The following TNIK variants were observed in gnomAD, a reference collection of about 807,000 sequenced individuals.
TNIK encodes the protein TRAF2 and NCK-interacting protein kinase.
A neutral mutation model predicts 191.3 loss-of-function variants in TNIK; 49 were observed. That is an observed-to-expected ratio of 0.26 (90% CI 0.20 to 0.32). The LOEUF (loss-of-function observed/expected upper bound fraction) is 0.32, where lower values mean the gene tolerates loss of function less well. Ranked by LOEUF, TNIK falls within the 10% of genes least tolerant of loss-of-function variation. The pLI is 1.00. For synonymous variants in TNIK, 594 were observed against 600.9 expected (o/e 0.99, Z 0.17); for missense variants, 1,155 against 1,702.3 (o/e 0.68, Z 5.66).
intron 18 of TNIK, among the ~76,000 whole-genome samples, chr3:171,121,325 C>T (rs769169525): frequency 6.6e-6 from 1 of 152,136 alleles, no homozygotes; most frequent in Non-Finnish European, 1.5e-5. Flanking sequence ...CAGTAATGGC[C>T]CCTGGCAAAT....
chr3:171,163,900 A>T lies in TNIK; in HGVS notation c.950-2564T>A, dbSNP rs185638930. The stretch of plus-strand genomic sequence containing the variant: ...GTTAGGGAAAAAATATCAGGTTGAA[A>T]AAAATCACAAATAATGCAAAATAGA... On this transcript the variant is annotated intron_variant, in intron 10 of 32. Transcript: ENST00000436636. 2.4e-3 allele frequency among the ~76,000 whole-genome samples: 359 copies of T among 152,378 alleles called. 2 individuals are homozygous for T. Among genetic ancestry groups the T allele is most frequent in the Middle Eastern group, 0.01 (3 of 294 alleles).
intron 1 of TNIK, among the ~76,000 whole-genome samples, chr3:171,402,270 T>C (rs939798275): frequency 5.9e-5 from 9 of 152,272 alleles, no homozygotes; most frequent in Admixed American, 3.9e-4. Flanking sequence ...ATTCCATTAC[T>C]GCTGCCTCCA....
At chr3:171,126,258 A>C in intron 16 of TNIK, 107 bp from the exon 17 acceptor site, 2 of 1,365,000 alleles carry the variant, frequency 1.5e-6, no homozygotes, top group Non-Finnish European at 9.5e-7. Flanking sequence ...GGGCACAAAA[A>C]TTGGACTATA....
In TNIK at chr3:171,161,723, C is replaced by G. The variant is rs1039976273; in HGVS notation, c.950-387G>C. On this transcript the variant is annotated intron_variant, in intron 10 of 32. Transcript: ENST00000436636. ...CACAAGGTCAGGAGATCGAGACCAT[C>G]CTGGCTAACATGGCAAAACCCCGTC... Among the ~76,000 whole-genome samples, 11 of 151,528 alleles carry G rather than the reference C, an allele frequency of 7.3e-5. No homozygotes were observed. In the Middle Eastern group the frequency reaches 0.01, roughly 142 times the overall value.
intron 2 of TNIK, among the ~76,000 whole-genome samples, chr3:171,365,666 G>A (rs1313445178): frequency 6.6e-6 from 1 of 152,156 alleles, no homozygotes; most frequent in Non-Finnish European, 1.5e-5. Flanking sequence ...ATGACTGGAG[G>A]TCATGAAGGA....
chr3:171,209,267 A>G (rs932215754), intron 4 of TNIK, among the ~76,000 whole-genome samples: 8 of 152,108 alleles, frequency 5.3e-5, no homozygotes, highest in East Asian at 1.9e-4. Context: ...GGCTTTTAAT[A>G]CAACTTTACT....
chr3:171,418,770 A>G (rs143065531), intron 1 of TNIK, among the ~76,000 whole-genome samples: 144 of 152,324 alleles, frequency 9.5e-4, no homozygotes, highest in African/African-American at 3.3e-3. Context: ...ATGGTATATT[A>G]TTCAGCCATA....
In TNIK at chr3:171,062,962, A is replaced by G. The variant is rs1717981458; in HGVS notation, c.*919T>C. The stretch of plus-strand genomic sequence containing the variant: ...GGCTTTGTGCATTTTAAAAAAGACT[A>G]TGTAAGCTTGTTTCCCAGAAGCTCT... On this transcript the variant is annotated 3_prime_UTR_variant, in exon 33 of 33. Coordinates refer to ENST00000436636, the MANE Select transcript of TNIK (RefSeq NM_015028.4). 1 of 152,168 alleles carries G rather than the reference A, an allele frequency of 6.6e-6. No individual in the cohort carries two copies. Among genetic ancestry groups the G allele is most frequent in the East Asian group, 1.9e-4 (1 of 5,194 alleles). The allele number at this position is 152,168 out of a possible 1,614,324, so 9.4% of individuals were successfully genotyped here. A position where few individuals can be genotyped will look rare whatever the true frequency, so the allele number is the denominator to read the frequency against.
intron 16 of TNIK, among the ~76,000 whole-genome samples, chr3:171,127,016 G>A (rs180733890): frequency 2.6e-5 from 4 of 152,284 alleles, no homozygotes; most frequent in East Asian, 3.9e-4. Context: ...ATTACTTCAC[G>A]AAGGTGAGCT....
At position 171,084,255 on chromosome 3, in the gene TNIK, T is replaced by G; in HGVS notation, c.3069A>C (p.Val1023=). Residue 1023 remains valine (V), a synonymous_variant, in exon 26 of 33, where the codon GTA becomes GTC. Transcript: ENST00000436636. ...GCCGAATGTTGGTTGGGTTTACATT[T>G]ACCACCGAAATCTTTCTTGCTTCAT... ...KLNEARKISV[V]NVNPTNIRPH... 1.2e-6 allele frequency: 2 copies of G among 1,613,882 alleles called. No individual in the cohort carries two copies. Among genetic ancestry groups the G allele is most frequent in the Non-Finnish European group, 1.7e-6 (2 of 1,179,818 alleles).
chr3:171,187,625 T>G (rs115708745), intron 7 of TNIK, among the ~76,000 whole-genome samples: 1,647 of 152,308 alleles, frequency 0.011, 19 homozygotes, highest in Non-Finnish European at 0.018. Context: ...TATATGGAAG[T>G]ACATTACAGA....
At chr3:171,304,981 A>C (rs1309210403) in intron 2 of TNIK, among the ~76,000 whole-genome samples, 4 of 151,276 alleles carry the variant, frequency 2.6e-5, no homozygotes, top group Non-Finnish European at 5.9e-5. Context: ...CACGTTGTGT[A>C]CATGTACCCT....
intron 23 of TNIK, among the ~76,000 whole-genome samples, chr3:171,091,508 C>T (rs1487203580): frequency 6.6e-6 from 1 of 152,042 alleles, no homozygotes; most frequent in Non-Finnish European, 1.5e-5. Flanking sequence ...TTTGGGAGGT[C>T]AAGGCGGGCA....
At chr3:171,440,412 G>A (rs1410677285) in intron 1 of TNIK, among the ~76,000 whole-genome samples, 1 of 152,130 alleles carries the variant, frequency 6.6e-6, no homozygotes, top group Admixed American at 6.5e-5. Context: ...GTGATTCCAG[G>A]AAGATGACAT....
rs764304579 is a variant in TNIK at position 171,108,081 on chromosome 3, C to T, written c.2366G>A (p.Arg789Gln). ...VKPEESRDIT[R>Q]PSRPASYKKA... ...AGCACTCACAGCTGGTCGACTGGGC[C>T]GGGTAATGTCCCTGGATTCTTCTGG... The change falls in exon 20 of 33, where the codon CGG (arginine) becomes CAG (glutamine). Residue 789 changes from arginine to glutamine, a missense_variant. Arg to Gln is a conservative substitution (Grantham distance 43). Transcript: ENST00000436636. The T allele has an allele frequency of 4.1e-5, 65 of 1,568,316 alleles. No homozygotes were observed. The highest frequency in any genetic ancestry group is 1.7e-4 in the Middle Eastern group (1 of 6,024).
At chr3:171,455,995 G>A (rs974376690) in intron 1 of TNIK, among the ~76,000 whole-genome samples, 6 of 152,210 alleles carry the variant, frequency 3.9e-5, no homozygotes, top group Non-Finnish European at 5.9e-5. Context: ...ATGTATGCAA[G>A]GCTTTCAGAT....
intron 2 of TNIK, among the ~76,000 whole-genome samples, chr3:171,234,154 T>C (rs567652570): frequency 6.6e-6 from 1 of 152,316 alleles, no homozygotes. Flanking sequence ...TCTTTAGGAA[T>C]GCTACCTTTC....
At chr3:171,124,475 A>C (rs1422862144) in intron 17 of TNIK, among the ~76,000 whole-genome samples, 1 of 152,256 alleles carries the variant, frequency 6.6e-6, no homozygotes, top group Non-Finnish European at 1.5e-5. Context: ...GTCCCAATTT[A>C]TAAAACAGAC....
At chr3:171,115,417 C>T (rs930542756) in intron 18 of TNIK, among the ~76,000 whole-genome samples, 45 of 152,320 alleles carry the variant, frequency 3.0e-4, no homozygotes, top group African/African-American at 1.0e-3. Context: ...GGAGATGAGA[C>T]TTATGCAGAG....
Sources: gnomAD v4.1 joint callset for allele counts (sites outside exome capture counted in the v4.1 genomes callset) on GRCh38, gnomAD v4.1.1 for gene constraint, MANE v1.5 for transcripts, NCBI Gene and HGNC (gene_info 2026-07-23, HGNC 2026-07-21) for gene names.